Variants in CDKAL1 observed in about 807,000 individuals in gnomAD.
The protein encoded by CDKAL1 is threonylcarbamoyladenosine tRNA methylthiotransferase.
CDKAL1 carries 32 observed loss-of-function variants against 68.2 expected under a neutral mutation model. The ratio of observed to expected loss-of-function variants is 0.47; its 90% CI spans 0.35 to 0.63. The LOEUF (loss-of-function observed/expected upper bound fraction) is 0.63, where lower values mean the gene tolerates loss of function less well. CDKAL1 is among the 30% of genes least tolerant of loss of function. The pLI is 0.00. For synonymous variants in CDKAL1, 234 were observed against 244.3 expected (o/e 0.96, Z 0.39); for missense variants, 606 against 696.7 (o/e 0.87, Z 1.47).
intron 9 of CDKAL1, among the ~76,000 whole-genome samples, chr6:20,948,764 A>G (rs1764383726): frequency 6.6e-6 from 1 of 152,218 alleles, no homozygotes. Context: ...ATGCCCATAT[A>G]TGGAGCATAA....
chr6:20,616,665 C>A (rs1024376999), intron 4 of CDKAL1, among the ~76,000 whole-genome samples: 2 of 150,948 alleles, frequency 1.3e-5, no homozygotes, highest in Admixed American at 1.3e-4. Context: ...TGCTTATCAG[C>A]TTAAGGAGAT....
At chr6:20,739,325 G>A (rs1773340905) in intron 5 of CDKAL1, among the ~76,000 whole-genome samples, 194 bp from the exon 6 acceptor site, 1 of 152,110 alleles carries the variant, frequency 6.6e-6, no homozygotes, top group African/African-American at 2.4e-5. Context: ...CTGCTGTTGT[G>A]TTCTTTAATG....
chr6:20,679,966 C>A (rs1770299956), intron 5 of CDKAL1, among the ~76,000 whole-genome samples: 1 of 151,616 alleles, frequency 6.6e-6, no homozygotes, highest in Non-Finnish European at 1.5e-5. Context: ...ATTTTTATTT[C>A]TTTTTTAAAA....
At chr6:21,187,715 TAAAC>T (rs1778069578) in intron 13 of CDKAL1, among the ~76,000 whole-genome samples, 1 of 152,214 alleles carries the variant, frequency 6.6e-6, no homozygotes, top group South Asian at 2.1e-4. Flanking sequence ...CTAGATTACA[TAAAC>T]AATCTCTCTC....
At chr6:20,708,270 G>A (rs188159204) in intron 5 of CDKAL1, among the ~76,000 whole-genome samples, 29 of 152,100 alleles carry the variant, frequency 1.9e-4, no homozygotes, top group Admixed American at 3.3e-4. Flanking sequence ...AAGAAATTTG[G>A]GATAATTTTT....
rs188318319 is a variant in CDKAL1 at position 21,012,280 on chromosome 6, G to A, written c.1055+11908G>A. On this transcript the variant is annotated intron_variant, in intron 11 of 15. Transcript: ENST00000274695. Reference sequence around the variant, plus strand: ...TTTGAGTTTTTTGTCCCCCTTTAAAGAGTCTCTTGGAAAGAAGGGGAGATG... The same window carrying A: ...TTTGAGTTTTTTGTCCCCCTTTAAAAAGTCTCTTGGAAAGAAGGGGAGATG... 6.6e-5 allele frequency among the ~76,000 whole-genome samples: 10 copies of A among 152,290 alleles called. No individual in the cohort carries two copies. In the East Asian group the frequency reaches 1.6e-3, roughly 24 times the overall value.
At chr6:20,547,726 C>T (rs1418754367) in intron 3 of CDKAL1, among the ~76,000 whole-genome samples, 1 of 151,960 alleles carries the variant, frequency 6.6e-6, no homozygotes, top group Non-Finnish European at 1.5e-5. Context: ...TTTTTATTTA[C>T]TTATAAATTA....
chr6:20,714,707 C>G (rs1772010934), intron 5 of CDKAL1, among the ~76,000 whole-genome samples: 1 of 152,046 alleles, frequency 6.6e-6, no homozygotes, highest in Admixed American at 6.6e-5. Context: ...TTTGCTGCTT[C>G]TTTATTACCC....
chr6:20,896,102 TC>T (rs1484352149), intron 9 of CDKAL1, among the ~76,000 whole-genome samples: 19,323 of 112,360 alleles, frequency 0.17, 1,582 homozygotes, highest in East Asian at 0.32. Flanking sequence ...TCTTTTCTTT[TC>T]TTTTTTTTTT....
At chr6:20,624,942 A>C (rs907932820) in intron 4 of CDKAL1, among the ~76,000 whole-genome samples, 1 of 152,108 alleles carries the variant, frequency 6.6e-6, no homozygotes, top group Non-Finnish European at 1.5e-5. Flanking sequence ...TTTTTGGCAC[A>C]GGTCATATGA....
chr6:21,160,836 G>T (rs1357626428), intron 13 of CDKAL1, among the ~76,000 whole-genome samples: 2 of 151,572 alleles, frequency 1.3e-5, no homozygotes, highest in Admixed American at 1.3e-4. Context: ...CCTGCGTGCA[G>T]GTATTTGTCC....
At chr6:20,783,749 A>G (rs927561418) in intron 8 of CDKAL1, among the ~76,000 whole-genome samples, 1 of 152,176 alleles carries the variant, frequency 6.6e-6, no homozygotes, top group African/African-American at 2.4e-5. Context: ...ATCTTCCACT[A>G]CAATGTAAGC....
At chr6:20,866,016 A>G (rs932722980) in intron 9 of CDKAL1, among the ~76,000 whole-genome samples, 13 of 152,188 alleles carry the variant, frequency 8.5e-5, no homozygotes. Flanking sequence ...TTTTAATTTT[A>G]GGCAATTGTA....
In CDKAL1 at chr6:20,596,152, G is replaced by A. The variant is rs934441643; in HGVS notation, c.286+47447G>A. On this transcript the variant is annotated intron_variant, in intron 4 of 15. Coordinates refer to ENST00000274695, the MANE Select transcript of CDKAL1 (RefSeq NM_017774.3). Reference sequence around the variant, plus strand: ...AGGCACGAGGATCAGGGACCCACTTGAGGAGGCAGTCCTGTCCCTTAGCAG... The same window carrying A: ...AGGCACGAGGATCAGGGACCCACTTAAGGAGGCAGTCCTGTCCCTTAGCAG... 2.0e-5 allele frequency among the ~76,000 whole-genome samples: 3 copies of A among 152,344 alleles called. No homozygotes were observed. The South Asian group carries it at 6.2e-4, about 32-fold the overall frequency.
At chr6:21,208,105 G>T (rs1423455774) in intron 15 of CDKAL1, among the ~76,000 whole-genome samples, 2 of 152,038 alleles carry the variant, frequency 1.3e-5, no homozygotes, top group East Asian at 3.9e-4. Context: ...CTGCCCCAGG[G>T]TGCCTCAGTG....
At chr6:21,060,069 T>G (rs1314818834) in intron 11 of CDKAL1, among the ~76,000 whole-genome samples, 5 of 150,576 alleles carry the variant, frequency 3.3e-5, no homozygotes, top group Non-Finnish European at 7.4e-5. Flanking sequence ...CTTAAAAGAG[T>G]TTCTTTCTCA....
At chr6:21,151,733 G>T (rs1229305356) in intron 13 of CDKAL1, among the ~76,000 whole-genome samples, 1 of 151,902 alleles carries the variant, frequency 6.6e-6, no homozygotes, top group East Asian at 1.9e-4. Flanking sequence ...AGTATCTCTG[G>T]GTTGTTATTT....
intron 5 of CDKAL1, among the ~76,000 whole-genome samples, chr6:20,734,924 C>T (rs555139743): frequency 3.8e-4 from 48 of 127,256 alleles, no homozygotes; most frequent in African/African-American, 1.4e-3. Flanking sequence ...AGCTGGAGTG[C>T]AGTGGTGCGA....
At chr6:20,546,611 T>C (rs1763616493) in intron 3 of CDKAL1, 88 bp downstream of exon 3, 1 of 1,080,922 alleles carries the variant, frequency 9.3e-7, no homozygotes, top group African/African-American at 1.6e-5. Flanking sequence ...TGGAGTGCAG[T>C]GGTGTGATCT....
Sources: allele counts gnomAD v4.1 joint callset (sites outside exome capture counted in the v4.1 genomes callset), GRCh38; gene constraint gnomAD v4.1.1; transcripts MANE v1.5; gene names NCBI Gene and HGNC (gene_info 2026-07-23, HGNC 2026-07-21).